ODF2L: variants seen among roughly 807,000 people sequenced by gnomAD.
ODF2L encodes the protein protein BCAP.
Under a neutral mutation model 86.3 loss-of-function variants are expected in ODF2L, and 76 were observed. The observed-to-expected ratio is 0.88, with a 90% CI of 0.73 to 1.07. The LOEUF (loss-of-function observed/expected upper bound fraction) is 1.07, where lower values mean the gene tolerates loss of function less well. Ranked by LOEUF, ODF2L falls within the 50% of genes least tolerant of loss-of-function variation. ODF2L has a pLI of 0.00. For synonymous variants in ODF2L, 241 were observed against 231.3 expected (o/e 1.04, Z -0.38); for missense variants, 748 against 717.4 (o/e 1.04, Z -0.49).
At chr1:86,384,339 C>T (rs1311236637) in intron 4 of ODF2L, among the ~76,000 whole-genome samples, 2 of 151,596 alleles carry the variant, frequency 1.3e-5, no homozygotes, top group Non-Finnish European at 3.0e-5. Flanking sequence ...TATGTGAATT[C>T]TATTTCAATA....
chr1:86,386,728 A>T (rs1424346507), intron 2 of ODF2L, 187 bp downstream of exon 2: 1 of 417,426 alleles, frequency 2.4e-6, no homozygotes, highest in Non-Finnish European at 4.2e-6. Flanking sequence ...ATTCAAAAAA[A>T]CTAGTTGAAT....
At position 86,384,768 on chromosome 1, in the gene ODF2L, C is replaced by A. The variant is rs775118480; in HGVS notation, c.280G>T (p.Glu94Ter). ...TCTTTTATTAATATTTCCTTCTGTT[C>A]AGAAATCTTCAAATTCAATGCAGAA... The change falls in exon 4 of 18, where the codon GAA (glutamate) becomes TAA (stop). Residue 94 changes from glutamate (E) to a stop codon, truncating the protein, a stop_gained. Coordinates refer to ENST00000317336, the Ensembl canonical transcript of ODF2L. LOFTEE classifies it high-confidence loss of function. 3 of 1,522,294 alleles carry A rather than the reference C, an allele frequency of 2.0e-6. No homozygotes were observed. The highest frequency in any genetic ancestry group is 4.5e-5 in the Admixed American group (2 of 44,790). The allele number at this position is 1,522,294 out of a possible 1,614,324, so 94.3% of individuals were successfully genotyped here. A position where few individuals can be genotyped will look rare whatever the true frequency, so the allele number is the denominator to read the frequency against.
At chr1:86,357,591 A>G (rs1329324416) in intron 13 of ODF2L, 2 of 156,572 alleles carry the variant, frequency 1.3e-5, no homozygotes, top group Non-Finnish European at 2.4e-5. Flanking sequence ...GATGGTATAT[A>G]AAGTAAAACA....
chr1:86,348,915 A>G (rs1262712865), downstream of ODF2L: 2 of 1,530,958 alleles, frequency 1.3e-6, no homozygotes, highest in Non-Finnish European at 1.7e-6. Context: ...ATAAGCAATA[A>G]TAGCATTCAT....
chr1:86,361,950 A>T (rs272500), intron 11 of ODF2L, among the ~76,000 whole-genome samples: 103,550 of 152,078 alleles, frequency 0.68, 35,552 homozygotes, highest in African/African-American at 0.75. Flanking sequence ...AACAAGCAGT[A>T]AAATACATCA....
chr1:86,373,634 T>C (rs893999605), intron 8 of ODF2L, among the ~76,000 whole-genome samples: 2 of 151,942 alleles, frequency 1.3e-5, no homozygotes, highest in African/African-American at 4.8e-5. Flanking sequence ...TCATGCTCTA[T>C]AGAGAGAAGA....
chr1:86,383,868 A>G (rs1426820035), intron 4 of ODF2L, among the ~76,000 whole-genome samples: 2 of 151,802 alleles, frequency 1.3e-5, no homozygotes, highest in Admixed American at 6.6e-5. Flanking sequence ...AATATTGATG[A>G]TACAGTGTTA....
rs1442057838 is a variant in ODF2L at position 86,368,505 on chromosome 1, AG to A, written c.1143+130del. Reference sequence around the variant, plus strand: ...TAGAAATTTAAAACTAGCTCCTCAAAGAGTTACAAATTAAAACCATAGATAA... The same window carrying A: ...TAGAAATTTAAAACTAGCTCCTCAAAAGTTACAAATTAAAACCATAGATAA... On this transcript the variant is annotated intron_variant, in intron 11 of 17. Coordinates refer to ENST00000317336, the Ensembl canonical transcript of ODF2L. The A allele has an allele frequency of 9.1e-6, 7 of 772,488 alleles. No homozygotes were observed. The African/African-American group carries it at 1.1e-4, about 12-fold the overall frequency. 47.9% of individuals were successfully genotyped at this position (772,488 alleles called of 1,614,324 possible).
In ODF2L at chr1:86,376,426, A is replaced by G. The variant is rs1311807842; in HGVS notation, c.625-8T>C. 9 of 1,544,778 alleles carry G rather than the reference A, an allele frequency of 5.8e-6. No individual in the cohort carries two copies. The Admixed American group carries it at 1.6e-4, about 28-fold the overall frequency. ...TATCTTGGTTTCTAAGCTCTAAAAA[A>G]AAAATTAGCAACAATTAAATTATTT... is the stretch of plus-strand genomic sequence containing the variant. On this transcript the variant is annotated splice_polypyrimidine_tract_variant and splice_region_variant and intron_variant, in intron 7 of 17. Transcript: ENST00000317336.
chr1:86,355,785 T>A (rs1021069312), intron 14 of ODF2L, among the ~76,000 whole-genome samples: 1 of 151,994 alleles, frequency 6.6e-6, no homozygotes, highest in Admixed American at 6.5e-5. Context: ...AATGCAGTAT[T>A]TTTTTTTGCA....
intron 14 of ODF2L, 52 bp downstream of exon 13, chr1:86,356,392 C>T: frequency 1.3e-6 from 2 of 1,497,840 alleles, no homozygotes; most frequent in Non-Finnish European, 1.8e-6. Flanking sequence ...TGAAATCATT[C>T]CAAAGCATTC....
At position 86,352,854 on chromosome 1, in the gene ODF2L, C is replaced by T; in HGVS notation, c.1893+5G>A. 6.6e-7 allele frequency: 1 copy of T among 1,504,184 alleles called. No individual in the cohort carries two copies. Among genetic ancestry groups the T allele is most frequent in the Non-Finnish European group, 9.1e-7 (1 of 1,093,108 alleles). The allele number at this position is 1,504,184 out of a possible 1,614,324, so 93.2% of individuals were successfully genotyped here. A position where few individuals can be genotyped will look rare whatever the true frequency, so the allele number is the denominator to read the frequency against. ...TATAATATGTTAAGCCATGCTAATA[C>T]TTACACTGTTCATTTTGCAAACAAG... On this transcript the variant is annotated splice_donor_5th_base_variant and intron_variant, in intron 17 of 17. Transcript: ENST00000317336.
chr1:86,380,303 G>T (rs1660484716), intron 7 of ODF2L, among the ~76,000 whole-genome samples: 1 of 152,042 alleles, frequency 6.6e-6, no homozygotes, highest in Non-Finnish European at 1.5e-5. Context: ...GAGTGACTAA[G>T]TAAACTAAGA....
intron 1 of ODF2L, among the ~76,000 whole-genome samples, chr1:86,394,199 G>A (rs1661536555): frequency 6.6e-6 from 1 of 152,218 alleles, no homozygotes; most frequent in African/African-American, 2.4e-5. Context: ...GTAAGGAATT[G>A]GTGGAACTCA....
At chr1:86,362,402 T>C (rs1659104811) in intron 11 of ODF2L, among the ~76,000 whole-genome samples, 1 of 151,942 alleles carries the variant, frequency 6.6e-6, no homozygotes, top group Admixed American at 6.6e-5. Context: ...CAAGCGATCC[T>C]CCCACCTCAG....
chr1:86,372,462 C>T (rs777467495), exon 9 of ODF2L: 36 of 1,501,596 alleles, frequency 2.4e-5, no homozygotes, highest in Admixed American at 9.0e-5. Flanking sequence ...ACTTCCAATT[C>T]GGTTTTTTCT....
At chr1:86,358,716 G>A (rs886376655) in intron 13 of ODF2L, 71 bp downstream of exon 12, 1 of 596,676 alleles carries the variant, frequency 1.7e-6, no homozygotes, top group Non-Finnish European at 2.7e-6. Context: ...TGACCAAAAT[G>A]AATGAATTTG....
intron 7 of ODF2L, 128 bp from the exon 8 acceptor site, chr1:86,376,546 C>T: frequency 1.9e-6 from 1 of 522,996 alleles, no homozygotes; most frequent in Non-Finnish European, 3.3e-6. Context: ...TAAAGAAATA[C>T]CCTAGACTGA....
chr1:86,363,245 A>G (rs1377640175), intron 11 of ODF2L, among the ~76,000 whole-genome samples: 2 of 152,244 alleles, frequency 1.3e-5, no homozygotes, highest in Non-Finnish European at 2.9e-5. Context: ...CAAGAGCTCC[A>G]TTTTGGACAT....
Sources: allele counts gnomAD v4.1 joint callset (sites outside exome capture counted in the v4.1 genomes callset), GRCh38; gene constraint gnomAD v4.1.1; transcripts MANE v1.5; gene names NCBI Gene and HGNC (gene_info 2026-07-23, HGNC 2026-07-21).